Variants in FNBP1 observed in about 807,000 individuals in gnomAD.
The protein encoded by FNBP1 is formin binding protein 1.
Under a neutral mutation model 90.6 loss-of-function variants are expected in FNBP1, and 26 were observed. The observed-to-expected ratio is 0.29, with a 90% CI of 0.21 to 0.40. The LOEUF is 0.40. Ranked by LOEUF, FNBP1 falls within the 10% of genes least tolerant of loss-of-function variation. FNBP1 has a pLI of 1.00. For missense variants in FNBP1, 635 were observed against 768.0 expected (o/e 0.83, Z 2.05); for synonymous variants, 260 against 265.2 (o/e 0.98, Z 0.19).
chr9:129,924,615 G>A (rs767693023), intron 9 of FNBP1, among the ~76,000 whole-genome samples: 19 of 152,138 alleles, frequency 1.2e-4, no homozygotes, highest in East Asian at 7.7e-4. Flanking sequence ...GTAGATGTGC[G>A]GATAAAGTGT....
intron 1 of FNBP1, among the ~76,000 whole-genome samples, chr9:130,006,954 C>T (rs571529920): frequency 7.9e-5 from 12 of 152,132 alleles, no homozygotes; most frequent in Non-Finnish European, 1.2e-4. Context: ...AATGTGGAGG[C>T]CGGGTGCGGC....
chr9:129,949,202 C>T (rs1259635508), intron 6 of FNBP1, among the ~76,000 whole-genome samples: 1 of 152,044 alleles, frequency 6.6e-6, no homozygotes, highest in Non-Finnish European at 1.5e-5. Flanking sequence ...TCAAAGCCTT[C>T]AAGTTCAAAA....
intron 2 of FNBP1, among the ~76,000 whole-genome samples, chr9:129,980,683 A>C (rs910810257): frequency 1.3e-5 from 2 of 151,730 alleles, no homozygotes; most frequent in African/African-American, 4.8e-5. Context: ...AAAAAAAAAA[A>C]AAAAACCCTC....
the FNBP1 span, among the ~76,000 whole-genome samples, chr9:130,049,747 TA>T: frequency 1.3e-5 from 2 of 152,044 alleles, no homozygotes; most frequent in African/African-American, 4.8e-5. Flanking sequence ...AGAATACGTA[TA>T]AAATGTTTAG....
rs548340115 is a variant in FNBP1 at position 129,981,478 on chromosome 9, T to C, written c.141-2104A>G. Among the ~76,000 whole-genome samples the C allele has an allele frequency of 2.6e-5, 4 of 152,344 alleles. No individual in the cohort carries two copies. The South Asian group carries it at 8.3e-4, about 32-fold the overall frequency. The stretch of plus-strand genomic sequence containing the variant: ...TCCCTGTTGCTATTCCTCTTTATTA[T>C]TTCACATGTTACTTTTATTTCTTCT... On this transcript the variant is annotated intron_variant, in intron 2 of 16. Coordinates refer to ENST00000446176, the MANE Select transcript of FNBP1 (RefSeq NM_015033.3).
At chr9:130,003,727 T>C (rs553121602) in intron 1 of FNBP1, among the ~76,000 whole-genome samples, 21 of 151,428 alleles carry the variant, frequency 1.4e-4, no homozygotes, top group Admixed American at 1.4e-3. Context: ...ATCAAGACCA[T>C]CCTGGCTAAC....
upstream of FNBP1, among the ~76,000 whole-genome samples, chr9:130,047,152 T>C (rs1434487689): frequency 6.6e-6 from 1 of 151,768 alleles, no homozygotes. Context: ...CATTAGACTA[T>C]GGCCAGGGTG....
Position 129,950,542 on chromosome 9 carries a change from A to G in FNBP1, c.513+6818T>C, listed in dbSNP as rs138866132. The stretch of plus-strand genomic sequence containing the variant: ...GCCTTGGATCTGGCCTCAGGGAGAA[A>G]AACAAAGAAAAAAGTCATCCTGGAA... On this transcript the variant is annotated intron_variant, in intron 6 of 16. Coordinates refer to ENST00000446176, the MANE Select transcript of FNBP1 (RefSeq NM_015033.3). Among the ~76,000 whole-genome samples, 263 of 152,294 alleles carry G rather than the reference A, an allele frequency of 1.7e-3. 1 individual carries two copies. Among genetic ancestry groups the G allele is most frequent in the African/African-American group, 6.2e-3 (259 of 41,556 alleles).
intron 1 of FNBP1, among the ~76,000 whole-genome samples, chr9:130,007,273 TGCA>T: frequency 7.3e-6 from 1 of 136,530 alleles, no homozygotes; most frequent in East Asian, 2.1e-4. Flanking sequence ...AAAAAAAGAA[TGCA>T]GAAAGACACA....
At chr9:129,925,734 C>T (rs2041810013) in intron 8 of FNBP1, among the ~76,000 whole-genome samples, 2 of 149,530 alleles carry the variant, frequency 1.3e-5, no homozygotes, top group Non-Finnish European at 3.0e-5. Flanking sequence ...GCTGGGATTA[C>T]AGGCATGTGC....
At chr9:129,939,483 C>G (rs918025001) in intron 6 of FNBP1, among the ~76,000 whole-genome samples, 2 of 151,536 alleles carry the variant, frequency 1.3e-5, no homozygotes, top group Non-Finnish European at 2.9e-5. Flanking sequence ...CCTTCCTGCA[C>G]TAACCTCAAT....
chr9:129,889,059 G>A lies in FNBP1; in HGVS notation c.*1480C>T, dbSNP rs1467529769. On this transcript the variant is annotated 3_prime_UTR_variant, in exon 17 of 17. Coordinates refer to ENST00000446176, the MANE Select transcript of FNBP1 (RefSeq NM_015033.3). ...GTTTCTGCACCAAATGAGAGGAGGG[G>A]CTGCTCTGCTCTAAGGCGTGGCGGG... 1.4e-5 allele frequency: 2 copies of A among 148,064 alleles called. No individual in the cohort carries two copies. Among genetic ancestry groups the A allele is most frequent in the Admixed American group, 9.4e-5 (1 of 10,690 alleles). 9.2% of individuals were successfully genotyped at this position (148,064 alleles called of 1,614,324 possible).
At chr9:129,963,361 G>A (rs374295047) in intron 4 of FNBP1, among the ~76,000 whole-genome samples, 1 of 152,020 alleles carries the variant, frequency 6.6e-6, no homozygotes, top group Non-Finnish European at 1.5e-5. Context: ...TTAAAAACAC[G>A]AGGGATGATT....
chr9:129,955,795 G>A (rs72757267), intron 6 of FNBP1, among the ~76,000 whole-genome samples: 8,702 of 147,076 alleles, frequency 0.059, 347 homozygotes, highest in Middle Eastern at 0.15. Flanking sequence ...ACCATATCTC[G>A]GTATCTCTAA....
chr9:130,034,426 C>T (rs140328905), intron 1 of FNBP1, among the ~76,000 whole-genome samples: 2 of 151,176 alleles, frequency 1.3e-5, no homozygotes, highest in Non-Finnish European at 3.0e-5. Context: ...GAGGCTGCAG[C>T]GAGCCATGTT....
chr9:129,900,109 A>G lies in FNBP1; in HGVS notation c.1551-8T>C. The G allele has an allele frequency of 6.3e-7, 1 of 1,597,234 alleles. No individual in the cohort carries two copies. The highest frequency in any genetic ancestry group is 8.5e-7 in the Non-Finnish European group (1 of 1,172,420). ...GTGTAACTGCCATCTGGGCTGCTCA[A>G]GAAAGGAAAACACAAAGCAACTAAA... On this transcript the variant is annotated splice_polypyrimidine_tract_variant and splice_region_variant and intron_variant, in intron 14 of 16. Coordinates refer to ENST00000446176, the MANE Select transcript of FNBP1 (RefSeq NM_015033.3). The surrounding 1 kb of genome is among the most constrained non-coding windows in gnomAD (Gnocchi z 4.1).
At chr9:129,941,322 G>A (rs2044291800) in intron 6 of FNBP1, among the ~76,000 whole-genome samples, 1 of 152,068 alleles carries the variant, frequency 6.6e-6, no homozygotes. Flanking sequence ...ATGGGAGGTG[G>A]AGGCTGCAGT....
intron 16 of FNBP1, among the ~76,000 whole-genome samples, chr9:129,893,469 C>T (rs1181376940): frequency 3.3e-5 from 5 of 149,642 alleles, no homozygotes; most frequent in African/African-American, 7.4e-5. Context: ...AAAGATTAGC[C>T]GGGTGTGGTG....
intron 1 of FNBP1, among the ~76,000 whole-genome samples, chr9:130,002,068 C>T (rs1399538786): frequency 1.4e-5 from 2 of 146,254 alleles, no homozygotes; most frequent in Non-Finnish European, 3.0e-5. Flanking sequence ...GAGACCCATG[C>T]CTGTAATCCT....
Sources: allele counts gnomAD v4.1 joint callset (sites outside exome capture counted in the v4.1 genomes callset), GRCh38; gene constraint gnomAD v4.1.1; non-coding constraint Gnocchi (gnomAD v3.1); transcripts MANE v1.5; gene names NCBI Gene and HGNC (gene_info 2026-07-23, HGNC 2026-07-21).